DNAH17: variants seen among roughly 807,000 people sequenced by gnomAD.
DNAH17 encodes dynein axonemal heavy chain 17, also known as axonemal beta dynein heavy chain 17.
In DNAH17, 376 loss-of-function variants were observed where a neutral mutation model predicts 485.6. The observed-to-expected ratio is 0.77, with a 90% CI of 0.71 to 0.84. The LOEUF (loss-of-function observed/expected upper bound fraction) is 0.84. Ranked by LOEUF, DNAH17 falls within the 40% of genes least tolerant of loss-of-function variation. The pLI, the probability that DNAH17 is intolerant of heterozygous loss-of-function variation, is 0.00. For missense variants in DNAH17, 6,370 were observed against 5,839.3 expected, an observed-to-expected ratio of 1.09 and a Z score of -2.96; for synonymous variants, 3,031 against 2,405.9, an observed-to-expected ratio of 1.26 and a Z score of -7.60.
At chr17:78,435,676 G>T (rs2086830837) in intron 74 of DNAH17, among the ~76,000 whole-genome samples, 1 of 152,208 alleles carries the variant, frequency 6.6e-6, no homozygotes, top group African/African-American at 2.4e-5. Context: ...ACAAGTGTCG[G>T]GTCGCTGCAG....
chr17:78,521,296 C>T (rs979286310), intron 25 of DNAH17, among the ~76,000 whole-genome samples: 2 of 152,064 alleles, frequency 1.3e-5, no homozygotes, highest in African/African-American at 4.8e-5. Flanking sequence ...ATCCCAGCTA[C>T]TCAGGAGGCT....
chr17:78,570,223 A>AC, intron 7 of DNAH17, 24 bp downstream of exon 7: 2 of 1,562,970 alleles, frequency 1.3e-6, no homozygotes, highest in South Asian at 1.2e-5. Flanking sequence ...GAGGAAGGGG[A>AC]CCCAGGGGCC....
At chr17:78,455,958 C>A in intron 62 of DNAH17, 122 bp from the exon 63 acceptor site, 1 of 799,234 alleles carries the variant, frequency 1.3e-6, no homozygotes, top group Non-Finnish European at 1.8e-6. Context: ...GGCTCAGTGG[C>A]TCAATGATGA....
rs978621932 is a variant in DNAH17 at position 78,426,438 on chromosome 17, C to T, written c.12915+19G>A. 1.9e-6 allele frequency: 3 copies of T among 1,577,774 alleles called. No homozygotes were observed. In the Admixed American group the frequency reaches 5.4e-5, roughly 29 times the overall value. On this transcript the variant is annotated intron_variant, in intron 79 of 80. Coordinates refer to ENST00000389840, the MANE Select transcript of DNAH17 (RefSeq NM_173628.4). ...GGTCCCCGAGTCTTAGGAAGCCTCT[C>T]AGAGAAAACGGCACTTACCCTGATG...
Position 78,453,242 on chromosome 17 carries a change from A to G in DNAH17, c.10529+101T>C, listed in dbSNP as rs1598473781. 3 of 1,486,174 alleles carry G rather than the reference A, an allele frequency of 2.0e-6. No individual in the cohort carries two copies. The East Asian group carries it at 7.5e-5, about 37-fold the overall frequency. 92.1% of individuals were successfully genotyped at this position (1,486,174 alleles called of 1,614,324 possible). ...TCAAAGCCCTTGCTGCTTACCAGGG[A>G]AGCAAAGGAAATTCCGGGCGTTTTC... On this transcript the variant is annotated intron_variant, in intron 65 of 80. Transcript: ENST00000389840.
chr17:78,514,458 T>G (rs2090720910), intron 26 of DNAH17, among the ~76,000 whole-genome samples: 1 of 136,722 alleles, frequency 7.3e-6, no homozygotes, highest in African/African-American at 2.9e-5. Context: ...TGAGCCAAGA[T>G]CGCGCCACTG....
rs778678733 is a variant in DNAH17, at chr17:78,543,911, G to A, written c.2478C>T (p.Asn826=). 5.0e-6 allele frequency: 8 copies of A among 1,614,058 alleles called. No homozygotes were observed. The East Asian group carries it at 8.9e-5, about 18-fold the overall frequency. The change falls in exon 17 of 81, where the codon AAC becomes AAT. Residue 826 remains asparagine (N), a synonymous_variant. Transcript: ENST00000389840. The stretch of plus-strand genomic sequence containing the variant: ...CATCCCTGACTGCTGCGTAGCGCTT[G>A]TTGAGGTTGGCAATTCTTCCATCCA... The part of the protein sequence containing the change: ...LDLDGRIANL[N]KRYAAVRDAG...
Position 78,423,873 on chromosome 17 carries a change from C to T in DNAH17, c.*33G>A, listed in dbSNP as rs1297586500. The T allele has an allele frequency of 1.2e-6, 2 of 1,611,570 alleles. No homozygotes were observed. The highest frequency in any genetic ancestry group is 1.7e-6 in the Non-Finnish European group (2 of 1,178,542). ...GTGAAGGGCTGAGTTGTGGTCCAGC[C>T]CCAGGGAGTGTGGGCTGTGAGGCAG... On this transcript the variant is annotated 3_prime_UTR_variant, in exon 81 of 81. Coordinates refer to ENST00000389840, the MANE Select transcript of DNAH17 (RefSeq NM_173628.4).
Position 78,494,068 on chromosome 17 carries a change from T to C in DNAH17, c.6376A>G (p.Ile2126Val), listed in dbSNP as rs775525212. ...TTGCCGCTGCCCGCATTCCCGACGATGAACACGGAGTGGCGGACCTGCAGC... is the reference window on the plus strand; with the variant it reads ...TTGCCGCTGCCCGCATTCCCGACGACGAACACGGAGTGGCGGACCTGCAGC... ...ELLQVRHSVF[I>V]VGNAGSGKSQ... Residue 2126 changes from isoleucine to valine, a missense_variant, in exon 41 of 81, where the codon ATC (isoleucine) becomes GTC (valine). Ile to Val is a conservative substitution (Grantham distance 29, BLOSUM62 3). Transcript: ENST00000389840. The C allele has an allele frequency of 4.3e-6, 7 of 1,612,944 alleles. No individual in the cohort carries two copies. Among genetic ancestry groups the C allele is most frequent in the African/African-American group, 1.3e-5 (1 of 75,010 alleles).
At position 78,548,451 on chromosome 17, in the gene DNAH17, G is replaced by A. The variant is rs142021935; in HGVS notation, c.2391+3084C>T. On this transcript the variant is annotated intron_variant, in intron 16 of 80. Transcript: ENST00000389840. ...GATCTCCTGACCTCGTGATCCACCC[G>A]CCTCGGCCTCCCAAAGTGCTGGGAT... Among the ~76,000 whole-genome samples, 1,125 of 152,114 alleles carry A rather than the reference G, an allele frequency of 7.4e-3. 19 individuals carry two copies. The highest frequency in any genetic ancestry group is 0.026 in the African/African-American group (1,084 of 41,470).
intron 62 of DNAH17, 116 bp from the exon 63 acceptor site, chr17:78,455,952 C>A: frequency 1.2e-6 from 1 of 843,896 alleles, no homozygotes. Context: ...GCACCTGGCT[C>A]AGTGGCTCAA....
At chr17:78,485,119 G>A in intron 47 of DNAH17, 86 bp from the exon 48 acceptor site, 1 of 1,460,002 alleles carries the variant, frequency 6.8e-7, no homozygotes, top group Non-Finnish European at 9.1e-7. Flanking sequence ...TGCTTCCCCG[G>A]AGGACAGAAG....
intron 51 of DNAH17, among the ~76,000 whole-genome samples, chr17:78,478,502 A>AC: frequency 6.6e-6 from 1 of 150,684 alleles, no homozygotes; most frequent in East Asian, 2.0e-4. Flanking sequence ...CATCATTATC[A>AC]CCACCATCAC....
chr17:78,543,130 G>GT (rs897002998), intron 17 of DNAH17, among the ~76,000 whole-genome samples: 1 of 152,012 alleles, frequency 6.6e-6, no homozygotes, highest in Non-Finnish European at 1.5e-5. Flanking sequence ...GTTTTGTTTT[G>GT]TTTTGAGATA....
At chr17:78,536,349 C>A (rs2091373870) in intron 19 of DNAH17, among the ~76,000 whole-genome samples, 1 of 152,166 alleles carries the variant, frequency 6.6e-6, no homozygotes, top group South Asian at 2.1e-4. Flanking sequence ...ACTCAGGAGG[C>A]TGAGGCAGGA....
chr17:78,459,357 C>A, intron 60 of DNAH17, 149 bp from the exon 61 acceptor site: 1 of 763,544 alleles, frequency 1.3e-6, no homozygotes. Flanking sequence ...AGAGGCCACC[C>A]CCCACCGGCT....
At chr17:78,557,718 G>A (rs2092057983) in intron 14 of DNAH17, among the ~76,000 whole-genome samples, 1 of 55,284 alleles carries the variant, frequency 1.8e-5, no homozygotes, top group African/African-American at 6.5e-5. Flanking sequence ...GCTGTTCTGA[G>A]TCATCACTAT....
rs1176087659 is a variant in DNAH17, at chr17:78,571,143, T to TA, written c.833-111_833-110insT. The TA allele has an allele frequency of 2.1e-5, 27 of 1,290,692 alleles. No homozygotes were observed. In the African/African-American group the frequency reaches 4.0e-4, roughly 19 times the overall value. The allele number at this position is 1,290,692 out of a possible 1,614,324, so 80.0% of individuals were successfully genotyped here. ...CCTGCTCCTTCAGGAAATGGGGCCT[T>TA]TCTCAAGTGGAGGGGGCTGAGAAAG... On this transcript the variant is annotated intron_variant, in intron 5 of 80. Transcript: ENST00000389840.
chr17:78,431,873 C>T (rs2086687544), intron 75 of DNAH17, among the ~76,000 whole-genome samples: 1 of 152,106 alleles, frequency 6.6e-6, no homozygotes, highest in African/African-American at 2.4e-5. Flanking sequence ...AAGGAAATGT[C>T]TTAAAAATCC....
Sources: gnomAD v4.1 joint callset for allele counts (sites outside exome capture counted in the v4.1 genomes callset) on GRCh38, gnomAD v4.1.1 for gene constraint, MANE v1.5 for transcripts, NCBI Gene and HGNC (gene_info 2026-07-23, HGNC 2026-07-21) for gene names.